Variants in ZSWIM6 observed in about 807,000 individuals in gnomAD.
ZSWIM6 encodes the protein zinc finger SWIM domain-containing protein 6.
Under a neutral mutation model 113.2 loss-of-function variants are expected in ZSWIM6, and 9 were observed. The observed-to-expected ratio is 0.08, with a 90% CI of 0.05 to 0.14. The LOEUF is 0.14. Ranked by LOEUF, ZSWIM6 falls within the 10% of genes least tolerant of loss-of-function variation. The pLI, the probability that ZSWIM6 is intolerant of heterozygous loss-of-function variation, is 1.00. For synonymous variants in ZSWIM6, 611 were observed against 606.5 expected (o/e 1.01, Z -0.11); for missense variants, 1,162 against 1,552.2 (o/e 0.75, Z 4.22).
intron 1 of ZSWIM6, among the ~76,000 whole-genome samples, chr5:61,376,877 C>T (rs1579961969): frequency 6.7e-6 from 1 of 149,340 alleles, no homozygotes; most frequent in South Asian, 2.1e-4. Context: ...GTTTAATGGC[C>T]TACTTGCCAA....
intron 4 of ZSWIM6, 61 bp from the exon 5 acceptor site, chr5:61,521,202 G>GA: frequency 9.6e-7 from 1 of 1,036,714 alleles, no homozygotes; most frequent in East Asian, 3.4e-5. Flanking sequence ...AATTTAACTT[G>GA]ATAAAATTGG....
At chr5:61,388,907 T>G (rs1282525203) in intron 1 of ZSWIM6, among the ~76,000 whole-genome samples, 1 of 152,218 alleles carries the variant, frequency 6.6e-6, no homozygotes, top group African/African-American at 2.4e-5. Context: ...ACTTAGTTCA[T>G]GAGTCATCAG....
rs574677584 is a variant in ZSWIM6, at chr5:61,505,269, G to A, written c.1333+10859G>A. Among the ~76,000 whole-genome samples the A allele has an allele frequency of 1.6e-4, 24 of 152,190 alleles. No homozygotes were observed. The South Asian group carries it at 3.3e-3, about 21-fold the overall frequency. ...CCTTCAGCTATTGACAGTCCTTTTT[G>A]CCTTTTTGTATCTCAAAATAAGAAA... is the stretch of plus-strand genomic sequence containing the variant. On this transcript the variant is annotated intron_variant, in intron 4 of 13. Coordinates refer to ENST00000252744, the MANE Select transcript of ZSWIM6 (RefSeq NM_020928.2).
intron 1 of ZSWIM6, among the ~76,000 whole-genome samples, chr5:61,386,281 C>A (rs989813798): frequency 2.6e-5 from 4 of 152,160 alleles, no homozygotes; most frequent in Admixed American, 6.5e-5. Context: ...GAGTTATTTG[C>A]CCGGAGTGAT....
intron 7 of ZSWIM6, among the ~76,000 whole-genome samples, chr5:61,528,401 T>A (rs941004977): frequency 2.6e-5 from 4 of 152,090 alleles, no homozygotes; most frequent in African/African-American, 9.7e-5. Context: ...TATATACATA[T>A]ATATATGTGT....
intron 1 of ZSWIM6, among the ~76,000 whole-genome samples, chr5:61,413,063 G>A (rs1746177235): frequency 6.8e-6 from 1 of 146,608 alleles, no homozygotes; most frequent in Admixed American, 6.9e-5. Flanking sequence ...GGGTACATGT[G>A]CACAATGTGC....
chr5:61,501,133 A>T (rs571120120), intron 4 of ZSWIM6, among the ~76,000 whole-genome samples: 1 of 152,132 alleles, frequency 6.6e-6, no homozygotes, highest in Admixed American at 6.5e-5. Context: ...GGTCCTCATT[A>T]CTGGGGCATG....
At chr5:61,369,638 A>G (rs1221762048) in intron 1 of ZSWIM6, among the ~76,000 whole-genome samples, 1 of 152,130 alleles carries the variant, frequency 6.6e-6, no homozygotes, top group African/African-American at 2.4e-5. Context: ...ATGTCTGCTT[A>G]CTTGAGTGGT....
chr5:61,429,838 C>T (rs1344816219), intron 1 of ZSWIM6, among the ~76,000 whole-genome samples: 1 of 152,006 alleles, frequency 6.6e-6, no homozygotes, highest in African/African-American at 2.4e-5. Context: ...GGGTACTGAT[C>T]ACATTGTCTT....
At chr5:61,375,416 G>T (rs1204615350) in intron 1 of ZSWIM6, 3 of 1,511,926 alleles carry the variant, frequency 2.0e-6, no homozygotes, top group Non-Finnish European at 2.7e-6. Context: ...AAGAAATCTG[G>T]TAGGTATTCA....
intron 1 of ZSWIM6, among the ~76,000 whole-genome samples, chr5:61,370,366 G>A (rs1745241143): frequency 1.3e-5 from 2 of 152,274 alleles, no homozygotes; most frequent in East Asian, 3.9e-4. Context: ...ACCAACCATA[G>A]TCACTATTTT....
intron 1 of ZSWIM6, among the ~76,000 whole-genome samples, chr5:61,401,758 T>C (rs1411641413): frequency 6.6e-6 from 1 of 152,232 alleles, no homozygotes; most frequent in Admixed American, 6.5e-5. Context: ...TATAATTTAC[T>C]TAGTTGCATC....
intron 1 of ZSWIM6, among the ~76,000 whole-genome samples, chr5:61,396,894 G>A (rs1290384206): frequency 2.0e-5 from 3 of 151,988 alleles, no homozygotes; most frequent in Non-Finnish European, 2.9e-5. Flanking sequence ...TTGTTGAAGT[G>A]GACATAGTTA....
At chr5:61,333,522 C>G (rs922457651) in intron 1 of ZSWIM6, among the ~76,000 whole-genome samples, 1 of 152,070 alleles carries the variant, frequency 6.6e-6, no homozygotes, top group South Asian at 2.1e-4. Flanking sequence ...CCCAGGGCTC[C>G]GACGGGCGAG....
chr5:61,543,408 T>C lies in ZSWIM6; in HGVS notation c.2786-47T>C. 4 of 1,512,154 alleles carry C rather than the reference T, an allele frequency of 2.6e-6. No individual in the cohort carries two copies. The highest frequency in any genetic ancestry group is 3.5e-6 in the Non-Finnish European group (4 of 1,127,850). 93.7% of individuals were successfully genotyped at this position (1,512,154 alleles called of 1,614,324 possible). A position where few individuals can be genotyped will look rare whatever the true frequency, so the allele number is the denominator to read the frequency against. On this transcript the variant is annotated intron_variant, in intron 13 of 13. Transcript: ENST00000252744. The surrounding 1 kb of genome is among the most constrained non-coding windows in gnomAD (Gnocchi z 4.3). ...AAAAGTCAAAATAAGGCAGGACCTC[T>C]GGGCAGCCTCCTCGTCAGTAATAGA...
intron 1 of ZSWIM6, among the ~76,000 whole-genome samples, chr5:61,373,278 G>A (rs920185421): frequency 6.6e-6 from 1 of 151,272 alleles, no homozygotes. Flanking sequence ...ATTTATTGAA[G>A]CTTTGCTAGA....
At chr5:61,526,039 T>G in intron 6 of ZSWIM6, 63 bp downstream of exon 6, 6 of 1,524,418 alleles carry the variant, frequency 3.9e-6, no homozygotes, top group Non-Finnish European at 5.3e-6. Context: ...TCTATAGCAT[T>G]ACTGGAATGG....
rs113543689 is a variant in ZSWIM6 at position 61,335,823 on chromosome 5, A to G, written c.676+2875A>G. Among the ~76,000 whole-genome samples the G allele has an allele frequency of 1.9e-4, 29 of 152,332 alleles. 2 individuals are homozygous for G. The highest frequency in any genetic ancestry group is 7.0e-4 in the African/African-American group (29 of 41,570). On this transcript the variant is annotated intron_variant, in intron 1 of 13. Coordinates refer to ENST00000252744, the MANE Select transcript of ZSWIM6 (RefSeq NM_020928.2). ...AACCTATTGGTAGTTACTGTTTCTC[A>G]ACTTCTATATTTTAAAAAGAAATTT...
Position 61,332,326 on chromosome 5 carries a change from GGGCGGCGGCGGC to G in ZSWIM6, c.63_74del (p.Gly23_Gly26del), listed in dbSNP as rs565100893. 8.9e-7 allele frequency: 1 copy of G among 1,117,456 alleles called. No homozygotes were observed. Among genetic ancestry groups the G allele is most frequent in the Non-Finnish European group, 1.1e-6 (1 of 910,516 alleles). 69.2% of individuals were successfully genotyped at this position (1,117,456 alleles called of 1,614,324 possible). ...CCGCGAAACGGCTTTGCTGCCGGCC[GGGCGGCGGCGGC>G]GGCGGCGGGGGCAGCAGCGGCGGCG... On this transcript the variant is annotated inframe_deletion, in exon 1 of 14. Coordinates refer to ENST00000252744, the MANE Select transcript of ZSWIM6 (RefSeq NM_020928.2).
Sources: allele counts gnomAD v4.1 joint callset (sites outside exome capture counted in the v4.1 genomes callset), GRCh38; gene constraint gnomAD v4.1.1; non-coding constraint Gnocchi (gnomAD v3.1); transcripts MANE v1.5; gene names NCBI Gene and HGNC (gene_info 2026-07-23, HGNC 2026-07-21).